Variants in GNA13 observed in about 807,000 individuals in gnomAD.
The protein encoded by GNA13 is G protein subunit alpha 13.
A neutral mutation model predicts 33.5 loss-of-function variants in GNA13; 4 were observed. The observed-to-expected ratio is 0.12, with a 90% CI of 0.06 to 0.27. The LOEUF is 0.27. Among genes scored for constraint, GNA13 ranks in the 10% least tolerant of loss-of-function variants. The pLI, the probability that GNA13 is intolerant of heterozygous loss-of-function variation, is 1.00. For synonymous variants in GNA13, 176 were observed against 183.8 expected, an observed-to-expected ratio of 0.96 and a Z score of 0.34; for missense variants, 319 against 487.2, an observed-to-expected ratio of 0.65 and a Z score of 3.25.
chr17:65,017,782 A>T (rs1471071089), intron 3 of GNA13, among the ~76,000 whole-genome samples: 1 of 152,184 alleles, frequency 6.6e-6, no homozygotes, highest in African/African-American at 2.4e-5. Context: ...AAAGATTTGG[A>T]AATCAGTCAA....
At chr17:65,032,149 T>G (rs1907071569) in intron 2 of GNA13, among the ~76,000 whole-genome samples, 1 of 152,080 alleles carries the variant, frequency 6.6e-6, no homozygotes, top group South Asian at 2.1e-4. Context: ...TCAGCAACAA[T>G]TAAATGCCAA....
chr17:65,056,166 G>A, intron 1 of GNA13, 145 bp downstream of exon 1: 2 of 554,948 alleles, frequency 3.6e-6, no homozygotes, highest in Non-Finnish European at 5.5e-6. Flanking sequence ...CCAGTTGCCG[G>A]GGCGCGCCCC....
At chr17:65,039,050 T>A (rs1216809733) in intron 2 of GNA13, among the ~76,000 whole-genome samples, 1 of 152,026 alleles carries the variant, frequency 6.6e-6, no homozygotes, top group African/African-American at 2.4e-5. Flanking sequence ...CTCTTAATCA[T>A]CCCCCTCAAA....
chr17:65,041,741 C>T (rs1233003277), intron 2 of GNA13, among the ~76,000 whole-genome samples: 2 of 152,252 alleles, frequency 1.3e-5, no homozygotes, highest in Non-Finnish European at 2.9e-5. Context: ...GTGGTGAGCA[C>T]TCTGCACCTG....
intron 1 of GNA13, among the ~76,000 whole-genome samples, chr17:65,055,969 G>A (rs1908037216): frequency 6.6e-6 from 1 of 152,180 alleles, no homozygotes; most frequent in Non-Finnish European, 1.5e-5. Flanking sequence ...GGGAGGACAG[G>A]AGAGGTCTGC....
At chr17:65,031,888 G>GAGAA (rs1907035236) in intron 2 of GNA13, among the ~76,000 whole-genome samples, 3 of 107,010 alleles carry the variant, frequency 2.8e-5, no homozygotes, top group East Asian at 2.6e-4. Context: ...GAGAGAGAGA[G>GAGAA]AGAGAGAAAG....
chr17:65,038,396 C>T (rs1030315216), intron 2 of GNA13, among the ~76,000 whole-genome samples: 3 of 36,918 alleles, frequency 8.1e-5, no homozygotes, highest in Non-Finnish European at 1.8e-4. Context: ...GAGCAAGACA[C>T]CATCTCAAAA....
chr17:65,037,660 A>G lies in GNA13; in HGVS notation c.510+15842T>C, dbSNP rs578000004. On this transcript the variant is annotated intron_variant, in intron 2 of 3. Transcript: ENST00000439174. ...AAGACTCTACTGTCAGACTGAGCAC[A>G]GTGGCTCACACCTGCAATCCCAACA... 7.9e-5 allele frequency among the ~76,000 whole-genome samples: 12 copies of G among 151,234 alleles called. No homozygotes were observed. In the South Asian group the frequency reaches 2.5e-3, roughly 32 times the overall value.
At position 65,037,777 on chromosome 17, in the gene GNA13, G is replaced by GAAAAAAAAAAAAAAA. The variant is rs145051963; in HGVS notation, c.510+15724_510+15725insTTTTTTTTTTTTTTT. On this transcript the variant is annotated intron_variant, in intron 2 of 3. Coordinates refer to ENST00000439174, the MANE Select transcript of GNA13 (RefSeq NM_006572.6). The stretch of plus-strand genomic sequence containing the variant: ...AGAGAGACCCAGCCTCTACAAAAAT[G>GAAAAAAAAAAAAAAA]GAAAAAAAAAAAAAAAAAAAAAAGA... Among the ~76,000 whole-genome samples the GAAAAAAAAAAAAAAA allele has an allele frequency of 2.3e-4, 19 of 82,056 alleles. 1 individual carries two copies. Among genetic ancestry groups the GAAAAAAAAAAAAAAA allele is most frequent in the African/African-American group, 3.0e-4 (6 of 19,718 alleles). The allele number at this position is 82,056 out of a possible 152,430, so 53.8% of individuals were successfully genotyped here.
At chr17:65,050,063 TAG>T (rs1474167208) in intron 2 of GNA13, among the ~76,000 whole-genome samples, 3 of 152,174 alleles carry the variant, frequency 2.0e-5, no homozygotes, top group Non-Finnish European at 4.4e-5. Context: ...GTAAGCTAGC[TAG>T]AGTCTTTACT....
intron 2 of GNA13, among the ~76,000 whole-genome samples, chr17:65,048,733 T>C (rs1471120898): frequency 1.3e-5 from 2 of 152,246 alleles, no homozygotes; most frequent in South Asian, 2.1e-4. Flanking sequence ...ATCAACACCC[T>C]ATCCCTTGTC....
intron 3 of GNA13, among the ~76,000 whole-genome samples, chr17:65,017,138 G>A (rs890004019): frequency 6.6e-6 from 1 of 151,966 alleles, no homozygotes; most frequent in Admixed American, 6.6e-5. Context: ...CTTAACACCC[G>A]ACTGCTTTCT....
intron 2 of GNA13, among the ~76,000 whole-genome samples, chr17:65,021,917 A>G: frequency 6.6e-6 from 1 of 152,234 alleles, no homozygotes; most frequent in Non-Finnish European, 1.5e-5. Flanking sequence ...TCCTCAACAC[A>G]GTACCACTGA....
At chr17:65,053,811 T>A in intron 1 of GNA13, 83 bp from the exon 2 acceptor site, 4 of 869,274 alleles carry the variant, frequency 4.6e-6, no homozygotes, top group Non-Finnish European at 7.4e-6. Flanking sequence ...ATTATTTCCT[T>A]ATACTTCTGA....
At chr17:65,052,933 A>G (rs1027612938) in intron 2 of GNA13, 1 of 152,710 alleles carries the variant, frequency 6.5e-6, no homozygotes, top group African/African-American at 2.4e-5. Flanking sequence ...AGGCTGAGGC[A>G]GGAGAGTTGC....
chr17:65,036,385 C>T (rs1166545297), intron 2 of GNA13, among the ~76,000 whole-genome samples: 1 of 152,192 alleles, frequency 6.6e-6, no homozygotes, highest in African/African-American at 2.4e-5. Flanking sequence ...ATCCTACAAC[C>T]CGGAGTCTGA....
At position 65,030,986 on chromosome 17, in the gene GNA13, T is replaced by G. The variant is rs73341836; in HGVS notation, c.511-12683A>C. ...AGAAAATCTATATTACCAAGATAAT[T>G]AAGTAGAGTTTCTTCTGAAACCTAA... On this transcript the variant is annotated intron_variant, in intron 2 of 3. Coordinates refer to ENST00000439174, the MANE Select transcript of GNA13 (RefSeq NM_006572.6). 1.8e-3 allele frequency among the ~76,000 whole-genome samples: 273 copies of G among 152,274 alleles called. 1 individual carries two copies. The highest frequency in any genetic ancestry group is 6.2e-3 in the African/African-American group (257 of 41,540).
intron 3 of GNA13, among the ~76,000 whole-genome samples, 161 bp downstream of exon 3, chr17:65,018,092 T>TAAAAAAAAAAAAAA (rs767082596): frequency 1.4e-4 from 3 of 21,510 alleles, no homozygotes; most frequent in African/African-American, 4.2e-4. Flanking sequence ...ACGCCACCAC[T>TAAAAAAAAAAAAAA]AAAAAAAAAA....
rs199576757 is a variant in GNA13, at chr17:65,028,972, G to GA, written c.511-10670dup. 1.6e-3 allele frequency among the ~76,000 whole-genome samples: 239 copies of GA among 149,946 alleles called. 1 individual carries two copies. The highest frequency in any genetic ancestry group is 5.3e-3 in the African/African-American group (218 of 40,920). On this transcript the variant is annotated intron_variant, in intron 2 of 3. Transcript: ENST00000439174. ...GTAGAAACAAAAAGAAAAAGAAAAA[G>GA]AAAAAAAAAGGAGGCAGAGTTACTG... is the stretch of plus-strand genomic sequence containing the variant.
Sources: allele counts gnomAD v4.1 joint callset (sites outside exome capture counted in the v4.1 genomes callset), GRCh38; gene constraint gnomAD v4.1.1; transcripts MANE v1.5; gene names NCBI Gene and HGNC (gene_info 2026-07-23, HGNC 2026-07-21).